LRRC24: variants seen among roughly 807,000 people sequenced by gnomAD.
LRRC24 encodes the protein leucine-rich repeat-containing protein 24.
Under a neutral mutation model 15.3 loss-of-function variants are expected in LRRC24, and 19 were observed. The ratio of observed to expected loss-of-function variants is 1.25; its 90% CI spans 0.87 to 1.83. LRRC24 has a LOEUF of 1.83. Among genes scored for constraint, LRRC24 ranks in the 40% most tolerant of loss-of-function variants. The pLI is 0.00. For missense variants in LRRC24, 914 were observed against 723.9 expected, an observed-to-expected ratio of 1.26 and a Z score of -3.01; for synonymous variants, 469 against 359.6, an observed-to-expected ratio of 1.30 and a Z score of -3.44.
In LRRC24 at chr8:144,524,410, T is replaced by G. The variant is rs747799641; in HGVS notation, c.438+31A>C. The G allele has an allele frequency of 2.9e-5, 47 of 1,595,382 alleles. No individual in the cohort carries two copies. In the Admixed American group the frequency reaches 7.7e-4, roughly 26 times the overall value. On this transcript the variant is annotated intron_variant, in intron 3 of 4. Coordinates refer to ENST00000529415, the MANE Select transcript of LRRC24 (RefSeq NM_001024678.4). ...TACAGGGCGAGGGGCCATAATGGAG[T>G]ATCCCGCCCCTTTAGACCCCAGGCG...
rs772035736 is a variant in LRRC24, at chr8:144,523,204, G to T, written c.813C>A (p.Ala271=). 6.2e-7 allele frequency: 1 copy of T among 1,609,696 alleles called. No individual in the cohort carries two copies. Among genetic ancestry groups the T allele is most frequent in the South Asian group, 1.1e-5 (1 of 90,678 alleles). ...CAACCCGCAGGTCCTCACCCAGGTTGGCTGTGAGCTCCAGCGGCTGCACGT... is the reference window on the plus strand; with the variant it reads ...CAACCCGCAGGTCCTCACCCAGGTTTGCTGTGAGCTCCAGCGGCTGCACGT... The part of the protein sequence containing the change: ...SVHVQPLELT[A]NLGEDLRVAC... The change falls in exon 5 of 5, where the codon GCC becomes GCA. Residue 271 remains alanine, a synonymous_variant. Transcript: ENST00000529415.
rs1816283466 is a variant in LRRC24 at position 144,524,619 on chromosome 8, C to T, written c.260G>A (p.Arg87His). ...GCGGAAGGCGCCGGCCTCCAGGGCG[C>T]GCAGGCTGTTGTTGTGCAGGTAGAG... ...RRLYLHNNSL[R>H]ALEAGAFRAQ... Residue 87 changes from arginine (R) to histidine (H), a missense_variant, in exon 3 of 5, where the codon CGC (arginine) becomes CAC (histidine). By Grantham distance (29) the Arg-to-His change is conservative. Coordinates refer to ENST00000529415, the MANE Select transcript of LRRC24 (RefSeq NM_001024678.4). 6.6e-7 allele frequency: 1 copy of T among 1,523,980 alleles called. No individual in the cohort carries two copies. 94.4% of individuals were successfully genotyped at this position (1,523,980 alleles called of 1,614,324 possible). A position where few individuals can be genotyped will look rare whatever the true frequency, so the allele number is the denominator to read the frequency against.
In LRRC24 at chr8:144,522,652, C is replaced by T. The variant is rs768555526; in HGVS notation, c.1365G>A (p.Thr455=). Residue 455 remains threonine (T), a synonymous_variant, in exon 5 of 5, where the codon ACG becomes ACA. Coordinates refer to ENST00000529415, the MANE Select transcript of LRRC24 (RefSeq NM_001024678.4). ...FVNDYLDGPC[T]FAQLEELRDE... ...CGCGGAGCTCCTCTAGCTGTGCGAA[C>T]GTACAGGGGCCGTCCAAGTAGTCGT... The T allele has an allele frequency of 7.6e-6, 12 of 1,587,582 alleles. No individual in the cohort carries two copies. Among genetic ancestry groups the T allele is most frequent in the African/African-American group, 1.4e-5 (1 of 72,576 alleles).
Position 144,522,409 on chromosome 8 carries a change from G to T in LRRC24, c.*66C>A, listed in dbSNP as rs1159129223. The T allele has an allele frequency of 1.5e-6, 2 of 1,369,798 alleles. No homozygotes were observed. Among genetic ancestry groups the T allele is most frequent in the Non-Finnish European group, 1.9e-6 (2 of 1,069,026 alleles). 84.9% of individuals were successfully genotyped at this position (1,369,798 alleles called of 1,614,324 possible). A position where few individuals can be genotyped will look rare whatever the true frequency, so the allele number is the denominator to read the frequency against. ...ACACTGCGCGGCTTCCACCTTTACT[G>T]ACGGAGCATGCGCGAGGCCGCACCG... On this transcript the variant is annotated 3_prime_UTR_variant, in exon 5 of 5. Transcript: ENST00000529415.
rs1292357499 is a variant in LRRC24, at chr8:144,524,491, C to T, written c.388G>A (p.Ala130Thr). The T allele has an allele frequency of 6.3e-7, 1 of 1,597,550 alleles. No individual in the cohort carries two copies. Residue 130 changes from alanine (A) to threonine (T), a missense_variant, in exon 3 of 5, where the codon GCG (alanine) becomes ACG (threonine). Ala to Thr is a moderately conservative substitution (Grantham distance 58). Coordinates refer to ENST00000529415, the MANE Select transcript of LRRC24 (RefSeq NM_001024678.4). ...AGCAGCCGCGCCAGCTGGTTGCCCG[C>T]CAGGTAGAGCACGCGCAGCTGGGCC... ...GLAQLRVLYL[A>T]GNQLARLLDF...
In LRRC24 at chr8:144,523,190, T is replaced by C. The variant is rs1816197937; in HGVS notation, c.827A>G (p.Asp276Gly). ...GGAGGCTTGGCAGGCAACCCGCAGGTCCTCACCCAGGTTGGCTGTGAGCTC... is the reference window on the plus strand; with the variant it reads ...GGAGGCTTGGCAGGCAACCCGCAGGCCCTCACCCAGGTTGGCTGTGAGCTC... ...PLELTANLGE[D>G]LRVACQASGY... Residue 276 changes from aspartate (D) to glycine (G), a missense_variant, in exon 5 of 5, where the codon GAC (aspartate) becomes GGC (glycine). Coordinates refer to ENST00000529415, the MANE Select transcript of LRRC24 (RefSeq NM_001024678.4). The C allele has an allele frequency of 6.2e-7, 1 of 1,609,662 alleles. No homozygotes were observed. The highest frequency in any genetic ancestry group is 8.5e-7 in the Non-Finnish European group (1 of 1,178,734).
rs1312764435 is a variant in LRRC24 at position 144,522,991 on chromosome 8, C to G, written c.1026G>C (p.Lys342Asn). The G allele has an allele frequency of 1.9e-6, 3 of 1,596,076 alleles. No individual in the cohort carries two copies. The highest frequency in any genetic ancestry group is 2.7e-5 in the African/African-American group (2 of 74,600). ...CGGCGTTGGAGGCCTCGCACTCGTA[C>G]TTACCGGCGTGCGCCAGCGTGATGT... ...LSNITLAHAG[K>N]YECEASNAGG... Residue 342 changes from lysine (K) to asparagine (N), a missense_variant, in exon 5 of 5, where the codon AAG (lysine) becomes AAC (asparagine). Coordinates refer to ENST00000529415, the MANE Select transcript of LRRC24 (RefSeq NM_001024678.4).
chr8:144,522,504 G>T lies in LRRC24; in HGVS notation c.1513C>A (p.Pro505Thr), dbSNP rs201876347. Residue 505 changes from proline (P) to threonine (T), a missense_variant, in exon 5 of 5, where the codon CCG becomes ACG. Transcript: ENST00000529415. ...CAGTGGATCTCGTAGGCGACCGGCG[G>T]GGGCACGCGGAGTCCCGGCCCCGCC... Reference protein sequence around the residue: ...QGAGPGLRVPPPVAYEIHC With the variant: ...QGAGPGLRVPTPVAYEIHC 1.3e-6 allele frequency: 2 copies of T among 1,497,622 alleles called. No homozygotes were observed. The allele number at this position is 1,497,622 out of a possible 1,614,324, so 92.8% of individuals were successfully genotyped here.
Position 144,523,282 on chromosome 8 carries a change from C to A in LRRC24, c.735G>T (p.Gln245His). Residue 245 changes from glutamine (Q) to histidine (H), a missense_variant, in exon 5 of 5, where the codon CAG becomes CAT. Physicochemically the swap from Gln to His is conservative, Grantham distance 24. Transcript: ENST00000529415. ...MCAEPPRLAL[Q>H]SLLDVSHSSL... ...TGCTGTGGGATACGTCCAGGAGACT[C>A]TGGAGCGCCAGGCGCGGGGGCTCTG... 1 of 1,611,016 alleles carries A rather than the reference C, an allele frequency of 6.2e-7. No individual in the cohort carries two copies. Among genetic ancestry groups the A allele is most frequent in the Non-Finnish European group, 8.5e-7 (1 of 1,179,206 alleles).
chr8:144,523,129 C>A lies in LRRC24; in HGVS notation c.888G>T (p.Val296=). ...YPQPLVTWRK[V]PQPREGRPRA... ...GCGGCCGGCCCTCGCGAGGCTGGGG[C>A]ACCTTTCTCCAGGTCACCAATGGCT... The change falls in exon 5 of 5, where the codon GTG becomes GTT. Residue 296 remains valine (V), a synonymous_variant. Coordinates refer to ENST00000529415, the MANE Select transcript of LRRC24 (RefSeq NM_001024678.4). 6.2e-7 allele frequency: 1 copy of A among 1,610,310 alleles called. No individual in the cohort carries two copies. Among genetic ancestry groups the A allele is most frequent in the Non-Finnish European group, 8.5e-7 (1 of 1,179,480 alleles).
chr8:144,523,009 C>T lies in LRRC24; in HGVS notation c.1008G>A (p.Thr336=). ...ACTCGTACTTACCGGCGTGCGCCAG[C>T]GTGATGTTGCTGAGGAAGAGCATGC... ...GSGMLFLSNI[T]LAHAGKYECE... The change falls in exon 5 of 5, where the codon ACG becomes ACA. Residue 336 remains threonine (T), a synonymous_variant. Coordinates refer to ENST00000529415, the MANE Select transcript of LRRC24 (RefSeq NM_001024678.4). The T allele has an allele frequency of 6.3e-7, 1 of 1,596,772 alleles. No individual in the cohort carries two copies. Among genetic ancestry groups the T allele is most frequent in the South Asian group, 1.1e-5 (1 of 90,346 alleles).
chr8:144,523,152 G>T lies in LRRC24; in HGVS notation c.865C>A (p.Pro289Thr). The change falls in exon 5 of 5, where the codon CCA (proline) becomes ACA (threonine). Residue 289 changes from proline (P) to threonine (T), a missense_variant. Physicochemically the swap from Pro to Thr is conservative, Grantham distance 38. Coordinates refer to ENST00000529415, the MANE Select transcript of LRRC24 (RefSeq NM_001024678.4). ...VACQASGYPQPLVTWRKVPQP... is the reference protein window; with the variant it reads ...VACQASGYPQTLVTWRKVPQP... Reference sequence around the variant, plus strand: ...GGCACCTTTCTCCAGGTCACCAATGGCTGCGGGTAGCCGGAGGCTTGGCAG... The same window carrying T: ...GGCACCTTTCTCCAGGTCACCAATGTCTGCGGGTAGCCGGAGGCTTGGCAG... 1 of 1,610,810 alleles carries T rather than the reference G, an allele frequency of 6.2e-7. No homozygotes were observed. The highest frequency in any genetic ancestry group is 8.5e-7 in the Non-Finnish European group (1 of 1,179,358).
intron 4 of LRRC24, 90 bp from the exon 5 acceptor site, chr8:144,523,499 CTT>C (rs753388840): frequency 1.4e-6 from 2 of 1,442,416 alleles, no homozygotes; most frequent in Non-Finnish European, 1.8e-6. Flanking sequence ...ACAGAGGCCT[CTT>C]TCCCACCTCC....
At position 144,522,584 on chromosome 8, in the gene LRRC24, G is replaced by A. The variant is rs780147226; in HGVS notation, c.1433C>T (p.Pro478Leu). ...CTCCGCCGGACCCTCGGCGAAGAGC[G>A]GCTTGGAGCGGTTGATGACGAACAT... ...HEMFVINRSK[P>L]LFAEGPAEAP... The change falls in exon 5 of 5, where the codon CCG becomes CTG. Residue 478 changes from proline (P) to leucine (L), a missense_variant. Coordinates refer to ENST00000529415, the MANE Select transcript of LRRC24 (RefSeq NM_001024678.4). 10 of 1,558,192 alleles carry A rather than the reference G, an allele frequency of 6.4e-6. No individual in the cohort carries two copies. The East Asian group carries it at 1.5e-4, about 24-fold the overall frequency.
rs763094376 is a variant in LRRC24 at position 144,522,518 on chromosome 8, C to G, written c.1499G>C (p.Gly500Ala). The change falls in exon 5 of 5, where the codon GGA (glycine) becomes GCA (alanine). Residue 500 changes from glycine to alanine, a missense_variant. Physicochemically the swap from Gly to Ala is moderately conservative, Grantham distance 60. Coordinates refer to ENST00000529415, the MANE Select transcript of LRRC24 (RefSeq NM_001024678.4). ...GGCGACCGGCGGGGGCACGCGGAGT[C>G]CCGGCCCCGCCCCCTGTTCCGGGCC... The part of the protein sequence containing the change: ...DCGPEQGAGP[G>A]LRVPPPVAYE... 2 of 1,507,668 alleles carry G rather than the reference C, an allele frequency of 1.3e-6. No individual in the cohort carries two copies. The highest frequency in any genetic ancestry group is 1.8e-6 in the Non-Finnish European group (2 of 1,132,086). The allele number at this position is 1,507,668 out of a possible 1,614,324, so 93.4% of individuals were successfully genotyped here.
At position 144,524,427 on chromosome 8, in the gene LRRC24, C is replaced by A. The variant is rs1475608305; in HGVS notation, c.438+14G>T. 6.3e-7 allele frequency: 1 copy of A among 1,597,632 alleles called. No homozygotes were observed. Among genetic ancestry groups the A allele is most frequent in the Non-Finnish European group, 8.5e-7 (1 of 1,179,706 alleles). ...TAATGGAGTATCCCGCCCCTTTAGA[C>A]CCCAGGCGCTCACCGGCAGGTGCAA... On this transcript the variant is annotated intron_variant, in intron 3 of 4. Transcript: ENST00000529415.
chr8:144,525,180 A>C, intron 1 of LRRC24, 147 bp from the exon 2 acceptor site: 1 of 490,614 alleles, frequency 2.0e-6, no homozygotes. Context: ...TGACAAAAAC[A>C]TTTTCTTAAA....
Position 144,524,489 on chromosome 8 carries a change from C to G in LRRC24, c.390G>C (p.Ala130=), listed in dbSNP as rs758113793. 6.3e-7 allele frequency: 1 copy of G among 1,597,590 alleles called. No individual in the cohort carries two copies. The highest frequency in any genetic ancestry group is 2.2e-5 in the East Asian group (1 of 44,846). Reference sequence around the variant, plus strand: ...CCAGCAGCCGCGCCAGCTGGTTGCCCGCCAGGTAGAGCACGCGCAGCTGGG... The same window carrying G: ...CCAGCAGCCGCGCCAGCTGGTTGCCGGCCAGGTAGAGCACGCGCAGCTGGG... ...GLAQLRVLYL[A]GNQLARLLDF... The change falls in exon 3 of 5, where the codon GCG becomes GCC. Residue 130 remains alanine, a synonymous_variant. Coordinates refer to ENST00000529415, the MANE Select transcript of LRRC24 (RefSeq NM_001024678.4).
In LRRC24 at chr8:144,522,640, T is replaced by C. The variant is rs1336018065; in HGVS notation, c.1377A>G (p.Leu459=). The change falls in exon 5 of 5, where the codon CTA becomes CTG. Residue 459 remains leucine (L), a synonymous_variant. Coordinates refer to ENST00000529415, the MANE Select transcript of LRRC24 (RefSeq NM_001024678.4). The part of the protein sequence containing the change: ...YLDGPCTFAQ[L]EELRDERGHE... Reference sequence around the variant, plus strand: ...GGCCGCGCTCGTCGCGGAGCTCCTCTAGCTGTGCGAACGTACAGGGGCCGT... The same window carrying C: ...GGCCGCGCTCGTCGCGGAGCTCCTCCAGCTGTGCGAACGTACAGGGGCCGT... The C allele has an allele frequency of 4.4e-6, 7 of 1,584,372 alleles. No individual in the cohort carries two copies. Among genetic ancestry groups the C allele is most frequent in the Middle Eastern group, 3.3e-4 (2 of 6,012 alleles).
Sources: allele counts gnomAD v4.1 joint callset, GRCh38; gene constraint gnomAD v4.1.1; transcripts MANE v1.5; gene names NCBI Gene and HGNC (gene_info 2026-07-23, HGNC 2026-07-21).